The following ENPP6 variants were observed in gnomAD, a reference collection of about 807,000 sequenced individuals.
The protein encoded by ENPP6 is glycerophosphocholine cholinephosphodiesterase ENPP6.
A neutral mutation model predicts 42.0 loss-of-function variants in ENPP6; 32 were observed. The ratio of observed to expected loss-of-function variants is 0.76; its 90% CI spans 0.58 to 1.02. The LOEUF (loss-of-function observed/expected upper bound fraction) is 1.02. Among genes scored for constraint, ENPP6 ranks in the 50% least tolerant of loss-of-function variants. The probability of loss-of-function intolerance (pLI) is 0.00; values close to 1 mark genes in which losing one functional copy is unlikely to be tolerated. For missense variants in ENPP6, 552 were observed against 566.8 expected, an observed-to-expected ratio of 0.97 and a Z score of 0.27; for synonymous variants, 213 against 216.0, an observed-to-expected ratio of 0.99 and a Z score of 0.12.
chr4:184,093,965 A>G (rs980762125), intron 7 of ENPP6, among the ~76,000 whole-genome samples: 2 of 152,052 alleles, frequency 1.3e-5, no homozygotes, highest in Admixed American at 6.6e-5. Context: ...GAGTAAGCCC[A>G]GGTGTCCCAC....
At chr4:184,180,122 TA>T (rs1732529237) in intron 1 of ENPP6, among the ~76,000 whole-genome samples, 1 of 151,794 alleles carries the variant, frequency 6.6e-6, no homozygotes, top group Non-Finnish European at 1.5e-5. Context: ...GACCACTAGC[TA>T]GACTAATAAA....
intron 1 of ENPP6, among the ~76,000 whole-genome samples, chr4:184,156,623 G>C (rs139819139): frequency 6.6e-6 from 1 of 152,180 alleles, no homozygotes; most frequent in Non-Finnish European, 1.5e-5. Context: ...CACCACAATT[G>C]CAAGTGGTTT....
rs1417062639 is a variant in ENPP6, at chr4:184,089,995, G to A, written c.*1182C>T. On this transcript the variant is annotated 3_prime_UTR_variant, in exon 8 of 8. Transcript: ENST00000296741. ...ACTTAGGTCTCAAAGGTGGTACTTT[G>A]GCCAAACTGTTTCCTAATCAAACGA... 6.6e-6 allele frequency: 1 copy of A among 152,020 alleles called. No individual in the cohort carries two copies. Among genetic ancestry groups the A allele is most frequent in the Admixed American group, 6.6e-5 (1 of 15,266 alleles). The allele number at this position is 152,020 out of a possible 1,614,324, so 9.4% of individuals were successfully genotyped here.
intron 6 of ENPP6, among the ~76,000 whole-genome samples, chr4:184,108,735 A>C (rs1736145989): frequency 6.6e-6 from 1 of 152,254 alleles, no homozygotes; most frequent in Non-Finnish European, 1.5e-5. Flanking sequence ...AGTCATTAAA[A>C]GATATCTCAG....
chr4:184,150,957 T>A (rs1378827266), intron 2 of ENPP6, among the ~76,000 whole-genome samples: 3 of 152,224 alleles, frequency 2.0e-5, no homozygotes, highest in African/African-American at 7.2e-5. Context: ...GAAGGAGCTG[T>A]TTTGGAGGAG....
At chr4:184,130,257 A>T (rs995366517) in intron 2 of ENPP6, among the ~76,000 whole-genome samples, 4 of 152,050 alleles carry the variant, frequency 2.6e-5, no homozygotes, top group Non-Finnish European at 4.4e-5. Context: ...TGGGCAAGGG[A>T]TATAAAGAGC....
intron 5 of ENPP6, among the ~76,000 whole-genome samples, chr4:184,113,962 T>TCTTTCTTC (rs1736271848): frequency 6.7e-6 from 1 of 148,974 alleles, no homozygotes; most frequent in Admixed American, 6.8e-5. Context: ...TTTCTTTCTT[T>TCTTTCTTC]CTCTCTTTCT....
chr4:184,194,300 G>A (rs1447407534), intron 1 of ENPP6, among the ~76,000 whole-genome samples: 1 of 152,132 alleles, frequency 6.6e-6, no homozygotes, highest in South Asian at 2.1e-4. Context: ...TTCTCCCTGC[G>A]TGCTCCCCCT....
intron 2 of ENPP6, among the ~76,000 whole-genome samples, chr4:184,129,179 T>C (rs1296293100): frequency 2.0e-5 from 3 of 152,100 alleles, no homozygotes; most frequent in African/African-American, 7.2e-5. Context: ...AAGAAATGAA[T>C]GCTGGAAATC....
At chr4:184,195,121 T>A (rs1018528511) in intron 1 of ENPP6, among the ~76,000 whole-genome samples, 6 of 152,212 alleles carry the variant, frequency 3.9e-5, no homozygotes, top group African/African-American at 1.2e-4. Context: ...TTTTTGTATA[T>A]TGATTTTTTG....
chr4:184,141,019 A>G (rs1185867381), intron 2 of ENPP6, among the ~76,000 whole-genome samples: 2 of 98,506 alleles, frequency 2.0e-5, no homozygotes, highest in Non-Finnish European at 4.6e-5. Flanking sequence ...TCCAGAATCT[A>G]CAATGAACTC....
intron 7 of ENPP6, among the ~76,000 whole-genome samples, chr4:184,095,663 A>AT (rs951854402): frequency 3.4e-5 from 5 of 147,782 alleles, no homozygotes; most frequent in African/African-American, 1.3e-4. Flanking sequence ...TCAAAAAAAA[A>AT]AAATATATCT....
At chr4:184,114,871 A>G (rs13121566) in intron 5 of ENPP6, among the ~76,000 whole-genome samples, 1 of 152,200 alleles carries the variant, frequency 6.6e-6, no homozygotes, top group Non-Finnish European at 1.5e-5. Flanking sequence ...GCTCATGGGA[A>G]CACTGCATAA....
intron 1 of ENPP6, among the ~76,000 whole-genome samples, chr4:184,185,952 T>C (rs73009716): frequency 0.01 from 1,582 of 152,342 alleles, 30 homozygotes; most frequent in African/African-American, 0.036. Context: ...AGCATTGTGG[T>C]TGTGTAGAGA....
intron 6 of ENPP6, among the ~76,000 whole-genome samples, chr4:184,099,889 C>G (rs1579607005): frequency 1.3e-5 from 2 of 152,374 alleles, no homozygotes; most frequent in Admixed American, 1.3e-4. Context: ...GCGGTGAGCA[C>G]TGAAGCACGA....
intron 1 of ENPP6, among the ~76,000 whole-genome samples, chr4:184,167,322 C>T (rs1194145889): frequency 2.0e-5 from 3 of 152,154 alleles, no homozygotes; most frequent in Non-Finnish European, 4.4e-5. Context: ...ACCATGTTGG[C>T]CAGGCTGGTC....
chr4:184,109,183 C>T (rs1736156965), intron 6 of ENPP6, among the ~76,000 whole-genome samples: 1 of 151,990 alleles, frequency 6.6e-6, no homozygotes, highest in Admixed American at 6.5e-5. Context: ...CGCACTCCAG[C>T]CTGGGTGACA....
intron 2 of ENPP6, among the ~76,000 whole-genome samples, chr4:184,132,701 A>G (rs1736657359): frequency 6.6e-6 from 1 of 151,822 alleles, no homozygotes; most frequent in African/African-American, 2.4e-5. Flanking sequence ...TAGATCTACA[A>G]TCCATCAGGA....
intron 3 of ENPP6, among the ~76,000 whole-genome samples, chr4:184,123,959 C>A (rs1012228711): frequency 6.6e-6 from 1 of 152,170 alleles, no homozygotes; most frequent in African/African-American, 2.4e-5. Flanking sequence ...GCTCTCAATT[C>A]AACATTTCCA....
Sources: allele counts gnomAD v4.1 joint callset (sites outside exome capture counted in the v4.1 genomes callset), GRCh38; gene constraint gnomAD v4.1.1; transcripts MANE v1.5; gene names NCBI Gene and HGNC (gene_info 2026-07-23, HGNC 2026-07-21).